LARGE1: variants seen among roughly 807,000 people sequenced by gnomAD.
LARGE1 encodes the protein LARGE xylosyl- and glucuronyltransferase 1, also known as xylosyl- and glucuronyltransferase LARGE1.
Under a neutral mutation model 87.6 loss-of-function variants are expected in LARGE1, and 43 were observed. That is an observed-to-expected ratio of 0.49 (90% CI 0.38 to 0.63). LARGE1 has a LOEUF of 0.63. Ranked by LOEUF, LARGE1 falls within the 30% of genes least tolerant of loss-of-function variation. The pLI, the probability that LARGE1 is intolerant of heterozygous loss-of-function variation, is 0.00. For missense variants in LARGE1, 802 were observed against 1,000.2 expected, an observed-to-expected ratio of 0.80 and a Z score of 2.67; for synonymous variants, 434 against 394.6, an observed-to-expected ratio of 1.10 and a Z score of -1.18.
chr22:33,596,972 A>T (rs2078993331), intron 5 of LARGE1, among the ~76,000 whole-genome samples: 1 of 152,186 alleles, frequency 6.6e-6, no homozygotes, highest in South Asian at 2.1e-4. Context: ...GGCCACACAC[A>T]CCTTACTTCA....
chr22:33,823,845 T>C (rs2062706031), intron 1 of LARGE1, among the ~76,000 whole-genome samples: 1 of 152,180 alleles, frequency 6.6e-6, no homozygotes, highest in Non-Finnish European at 1.5e-5. Flanking sequence ...CTGTCCTGTT[T>C]AAAGGGCACG....
chr22:33,831,628 A>C (rs1345788173), intron 1 of LARGE1, among the ~76,000 whole-genome samples: 2 of 152,102 alleles, frequency 1.3e-5, no homozygotes, highest in Non-Finnish European at 2.9e-5. Flanking sequence ...AGTATTCCTA[A>C]GTTTTTAAAA....
intron 2 of LARGE1, among the ~76,000 whole-genome samples, chr22:33,736,482 CTTAT>C (rs750833663): frequency 1.4e-4 from 22 of 152,104 alleles, no homozygotes; most frequent in Non-Finnish European, 7.4e-5. Context: ...TTTTAATTGG[CTTAT>C]TTGTCTTTTC....
chr22:33,711,535 GCTGTACAGGAAAA>G (rs2082731707), intron 2 of LARGE1, among the ~76,000 whole-genome samples: 1 of 152,240 alleles, frequency 6.6e-6, no homozygotes, highest in Non-Finnish European at 1.5e-5. Context: ...TACATAGGAT[GCTGTACAGGAAAA>G]CTGCCTGCTA....
chr22:33,181,138 A>G (rs1222507333), intron 11 of LARGE1, among the ~76,000 whole-genome samples: 1 of 152,200 alleles, frequency 6.6e-6, no homozygotes, highest in Admixed American at 6.5e-5. Context: ...TAAACAGGAA[A>G]GAAGGGGAAG....
chr22:33,670,382 C>T (rs1249590745), intron 2 of LARGE1, among the ~76,000 whole-genome samples: 2 of 151,660 alleles, frequency 1.3e-5, no homozygotes, highest in South Asian at 2.1e-4. Context: ...GGACTCATCA[C>T]GTACATGTTG....
chr22:33,214,197 T>G (rs1231063947), intron 11 of LARGE1, among the ~76,000 whole-genome samples: 5 of 152,142 alleles, frequency 3.3e-5, no homozygotes, highest in Non-Finnish European at 1.5e-5. Context: ...AAGTCCAAGA[T>G]CAAGGTGTTT....
rs544017237 is a variant in LARGE1, at chr22:33,560,486, CA to C, written c.787+4361del. Reference sequence around the variant, plus strand: ...AGGGGAGGCATCTGTGCTTATGGATCAAATCACTATCTTGAATATTCAGCAC... The same window carrying C: ...AGGGGAGGCATCTGTGCTTATGGATCAATCACTATCTTGAATATTCAGCAC... On this transcript the variant is annotated intron_variant, in intron 6 of 14. Coordinates refer to ENST00000397394, the MANE Select transcript of LARGE1 (RefSeq NM_133642.5). Among the ~76,000 whole-genome samples, 18 of 152,346 alleles carry C rather than the reference CA, an allele frequency of 1.2e-4. No individual in the cohort carries two copies. In the South Asian group the frequency reaches 1.2e-3, roughly 11 times the overall value.
the LARGE1 span, among the ~76,000 whole-genome samples, chr22:33,085,869 G>T: frequency 1.3e-5 from 2 of 152,192 alleles, no homozygotes; most frequent in South Asian, 4.1e-4. Context: ...CTTTGATTTG[G>T]TGAATTTTGC....
intron 1 of LARGE1, among the ~76,000 whole-genome samples, chr22:33,852,880 G>GAAAAAAAAAA (rs1491071139): frequency 4.9e-5 from 2 of 41,098 alleles, no homozygotes; most frequent in African/African-American, 2.4e-4. Flanking sequence ...AAAAAAAAAA[G>GAAAAAAAAAA]AAAGAAAGAA....
chr22:33,796,694 A>G (rs1337161736), intron 1 of LARGE1, among the ~76,000 whole-genome samples: 2 of 152,126 alleles, frequency 1.3e-5, no homozygotes, highest in African/African-American at 4.8e-5. Context: ...GACCTTGGAA[A>G]ATGCAAAGAA....
At chr22:33,532,696 A>G (rs2076934147) in intron 6 of LARGE1, among the ~76,000 whole-genome samples, 1 of 152,206 alleles carries the variant, frequency 6.6e-6, no homozygotes, top group African/African-American at 2.4e-5. Flanking sequence ...TTCTGTTGAC[A>G]TTTCTAAGAC....
chr22:33,794,006 A>T (rs976874456), intron 1 of LARGE1, among the ~76,000 whole-genome samples: 3 of 150,778 alleles, frequency 2.0e-5, no homozygotes, highest in African/African-American at 7.3e-5. Context: ...ACTGCAGGGA[A>T]AATAAAGTTT....
chr22:33,081,016 C>T, the LARGE1 span, among the ~76,000 whole-genome samples: 1 of 151,984 alleles, frequency 6.6e-6, no homozygotes, highest in Non-Finnish European at 1.5e-5. Flanking sequence ...AATTGGCACA[C>T]AGTTCTGGAC....
At chr22:33,533,714 C>G (rs570557141) in intron 6 of LARGE1, among the ~76,000 whole-genome samples, 1 of 152,090 alleles carries the variant, frequency 6.6e-6, no homozygotes, top group African/African-American at 2.4e-5. Context: ...GGTAAACTGC[C>G]CCACTTCATC....
intron 9 of LARGE1, among the ~76,000 whole-genome samples, chr22:33,358,898 T>C (rs549474778): frequency 1.3e-5 from 2 of 151,796 alleles, no homozygotes; most frequent in East Asian, 3.9e-4. Context: ...CTCGGGAGGC[T>C]GAGGCAGGAG....
intron 6 of LARGE1, among the ~76,000 whole-genome samples, chr22:33,446,488 A>G (rs1282807583): frequency 1.3e-5 from 2 of 152,286 alleles, no homozygotes; most frequent in East Asian, 1.9e-4. Context: ...GCCTGACACT[A>G]ATTCTGGGTA....
chr22:33,427,683 T>C (rs1312592704), intron 7 of LARGE1, among the ~76,000 whole-genome samples: 1 of 152,224 alleles, frequency 6.6e-6, no homozygotes, highest in African/African-American at 2.4e-5. Flanking sequence ...AGTTGGGCTA[T>C]GGTTAGGGGG....
At position 33,304,408 on chromosome 22, in the gene LARGE1, T is replaced by C. The variant is rs2146165347; in HGVS notation, c.1551A>G (p.Ala517=). The change falls in exon 12 of 15, where the codon GCA becomes GCG. Residue 517 remains alanine (A), a synonymous_variant. Coordinates refer to ENST00000397394, the MANE Select transcript of LARGE1 (RefSeq NM_133642.5). ...GGCTCATAAGCACCTCAGAGCCCTG[T>C]GCGTAGCGGAGGAACTGCTGGGCCT... ...DAEAQQFLRY[A]QGSEVLMSRH... 1.2e-6 allele frequency: 2 copies of C among 1,614,246 alleles called. No homozygotes were observed. Among genetic ancestry groups the C allele is most frequent in the Non-Finnish European group, 1.7e-6 (2 of 1,180,048 alleles).
Sources: gnomAD v4.1 joint callset for allele counts (sites outside exome capture counted in the v4.1 genomes callset) on GRCh38, gnomAD v4.1.1 for gene constraint, MANE v1.5 for transcripts, NCBI Gene and HGNC (gene_info 2026-07-23, HGNC 2026-07-21) for gene names.